The following ZNF83 variants were observed in gnomAD, a reference collection of about 807,000 sequenced individuals.
ZNF83 encodes zinc finger protein 816B.
For synonymous variants in ZNF83, 209 were observed against 213.0 expected, an observed-to-expected ratio of 0.98 and a Z score of 0.17; for missense variants, 552 against 629.9, an observed-to-expected ratio of 0.88 and a Z score of 1.32.
At chr19:52,640,844 T>C (rs114814544), upstream of ZNF83, among the ~76,000 whole-genome samples, 2 of 152,168 alleles carry the variant, frequency 1.3e-5, no homozygotes, top group Admixed American at 6.5e-5. Flanking sequence ...CTACAACATG[T>C]TGTTTTATCT....
chr19:52,650,254 T>A (rs2061425709), intron 3 of ZNF83, among the ~76,000 whole-genome samples: 2 of 99,466 alleles, frequency 2.0e-5, no homozygotes, highest in East Asian at 8.1e-4. Flanking sequence ...GCTTGTTACT[T>A]TTCTTTCTTT....
chr19:52,624,242 T>G (rs1021501058), intron 2 of ZNF83, among the ~76,000 whole-genome samples: 1 of 152,150 alleles, frequency 6.6e-6, no homozygotes, highest in East Asian at 1.9e-4. Flanking sequence ...AAGGATATCC[T>G]CCTACTCCTT....
At chr19:52,689,620 C>A (rs1291640594) in intron 1 of ZNF83, among the ~76,000 whole-genome samples, 1 of 152,186 alleles carries the variant, frequency 6.6e-6, no homozygotes, top group African/African-American at 2.4e-5. Flanking sequence ...TTGCTTTTCT[C>A]CTCCTGCTTT....
intron 1 of ZNF83, among the ~76,000 whole-genome samples, chr19:52,672,812 C>A (rs1434034689): frequency 1.3e-5 from 2 of 152,104 alleles, no homozygotes; most frequent in Non-Finnish European, 2.9e-5. Flanking sequence ...GTTGGCCAGG[C>A]TGGTCTCCAA....
intron 1 of ZNF83, among the ~76,000 whole-genome samples, chr19:52,685,651 C>T (rs2062002148): frequency 1.3e-5 from 2 of 152,006 alleles, no homozygotes. Context: ...AATCCCAGCA[C>T]ATTGGGAGGT....
chr19:52,662,629 G>T (rs553760624), intron 1 of ZNF83, among the ~76,000 whole-genome samples: 2 of 152,184 alleles, frequency 1.3e-5, no homozygotes, highest in South Asian at 4.2e-4. Flanking sequence ...TTACCATCTC[G>T]TATAGAAAAA....
chr19:52,673,707 G>C (rs2061758624), intron 1 of ZNF83, among the ~76,000 whole-genome samples: 1 of 152,026 alleles, frequency 6.6e-6, no homozygotes, highest in South Asian at 2.1e-4. Context: ...CTGGGTGACA[G>C]AGTGAGACTC....
At chr19:52,630,430 G>A (rs900283460) in intron 2 of ZNF83, among the ~76,000 whole-genome samples, 1 of 152,084 alleles carries the variant, frequency 6.6e-6, no homozygotes, top group African/African-American at 2.4e-5. Flanking sequence ...TGACAGCCAG[G>A]CTTCTAAGCC....
intron 1 of ZNF83, among the ~76,000 whole-genome samples, chr19:52,688,877 A>ATAACGCTGTCCGAATAGCCAAGTC (rs2062093420): frequency 1.3e-5 from 2 of 151,618 alleles, no homozygotes; most frequent in Admixed American, 1.3e-4. Flanking sequence ...CGGTTACAGG[A>ATAACGCTGTCCGAATAGCCAAGTC]TAACGCTGTC....
chr19:52,618,734 C>G, intron 2 of ZNF83: 1 of 1,004,584 alleles, frequency 1.0e-6, no homozygotes, highest in Middle Eastern at 3.4e-4. Context: ...TTCTGGAACC[C>G]CCACTGAGCT....
At chr19:52,683,524 A>ACCTGCT (rs1435218931) in intron 1 of ZNF83, among the ~76,000 whole-genome samples, 1 of 20,894 alleles carries the variant, frequency 4.8e-5, no homozygotes, top group Non-Finnish European at 9.8e-5. Flanking sequence ...GGGAATCCAA[A>ACCTGCT]GGGAAGGGCA....
chr19:52,688,267 C>A (rs2062081111), intron 1 of ZNF83, among the ~76,000 whole-genome samples: 1 of 151,968 alleles, frequency 6.6e-6, no homozygotes, highest in Non-Finnish European at 1.5e-5. Context: ...ACCTCCCGAG[C>A]TCAAGTGATC....
chr19:52,626,855 TTTTG>T (rs2060758222), intron 2 of ZNF83, among the ~76,000 whole-genome samples: 1 of 152,134 alleles, frequency 6.6e-6, no homozygotes, highest in African/African-American at 2.4e-5. Context: ...CACTTCACTA[TTTTG>T]TTTTATTTTT....
chr19:52,637,347 T>C (rs1220538928), intron 1 of ZNF83, among the ~76,000 whole-genome samples: 2 of 152,118 alleles, frequency 1.3e-5, no homozygotes, highest in Admixed American at 1.3e-4. Flanking sequence ...GTTCTCCCTC[T>C]GTTCTCCTTG....
At chr19:52,686,224 G>T (rs1204394838) in intron 1 of ZNF83, among the ~76,000 whole-genome samples, 2 of 151,944 alleles carry the variant, frequency 1.3e-5, no homozygotes, top group Admixed American at 1.3e-4. Flanking sequence ...TGCAGACCTC[G>T]ATCTGAACTG....
In ZNF83 at chr19:52,653,180, C is replaced by T. The variant is rs890599110; in HGVS notation, c.-74+2381G>A. The T allele has an allele frequency of 2.1e-6, 3 of 1,457,316 alleles. No homozygotes were observed. The African/African-American group carries it at 4.5e-5, about 22-fold the overall frequency. 90.3% of individuals were successfully genotyped at this position (1,457,316 alleles called of 1,614,324 possible). On this transcript the variant is annotated intron_variant, in intron 3 of 5. Transcript: ENST00000594682. The stretch of plus-strand genomic sequence containing the variant: ...TCTCCGGTATGAAGTCTACGATGGC[C>T]CACAAGGGATGACTTCTGACTGAAG...
chr19:52,638,931 C>T (rs932294187), upstream of ZNF83, among the ~76,000 whole-genome samples: 35 of 152,320 alleles, frequency 2.3e-4, no homozygotes, highest in Admixed American at 2.2e-3. Context: ...TCAGGCCAGC[C>T]TGGGCGACAA....
intron 3 of ZNF83, chr19:52,652,898 G>C: frequency 2.7e-6 from 3 of 1,102,632 alleles, no homozygotes; most frequent in Non-Finnish European, 4.1e-6. Flanking sequence ...CACTTGTAAG[G>C]TTTCTCTCCA....
chr19:52,676,694 G>A, intron 1 of ZNF83, among the ~76,000 whole-genome samples: 2 of 136,006 alleles, frequency 1.5e-5, no homozygotes, highest in African/African-American at 5.5e-5. Context: ...AGCGGGGAAA[G>A]GTGGGGAAAA....
Sources: gnomAD v4.1 joint callset for allele counts (sites outside exome capture counted in the v4.1 genomes callset) on GRCh38, gnomAD v4.1.1 for gene constraint, MANE v1.5 for transcripts, NCBI Gene and HGNC (gene_info 2026-07-23, HGNC 2026-07-21) for gene names.